The following GRID1 variants were observed in gnomAD, a reference collection of about 807,000 sequenced individuals.
GRID1 encodes glutamate receptor ionotropic, delta-1.
In GRID1, 28 loss-of-function variants were observed where a neutral mutation model predicts 98.0. The ratio of observed to expected loss-of-function variants is 0.29; its 90% CI spans 0.21 to 0.39. The LOEUF (loss-of-function observed/expected upper bound fraction) is 0.39, where lower values mean the gene tolerates loss of function less well. Among genes scored for constraint, GRID1 ranks in the 10% least tolerant of loss-of-function variants. The pLI, the probability that GRID1 is intolerant of heterozygous loss-of-function variation, is 1.00. For synonymous variants in GRID1, 553 were observed against 538.5 expected (o/e 1.03, Z -0.37); for missense variants, 1,111 against 1,340.5 (o/e 0.83, Z 2.67).
At chr10:85,771,628 A>G (rs1377246349) in intron 8 of GRID1, among the ~76,000 whole-genome samples, 2 of 152,216 alleles carry the variant, frequency 1.3e-5, no homozygotes, top group Non-Finnish European at 2.9e-5. Context: ...ATAGAGGAAG[A>G]TCTACCAAGC....
intron 4 of GRID1, among the ~76,000 whole-genome samples, chr10:85,950,409 T>G (rs1460916247): frequency 1.3e-5 from 2 of 152,308 alleles, no homozygotes; most frequent in East Asian, 3.9e-4. Context: ...ATCACAAATG[T>G]ATCCCAGACT....
intron 4 of GRID1, among the ~76,000 whole-genome samples, chr10:85,962,790 C>T (rs1025527146): frequency 2.0e-5 from 3 of 152,098 alleles, no homozygotes; most frequent in Admixed American, 6.5e-5. Flanking sequence ...TACTACCCTT[C>T]CAGATATCCT....
intron 3 of GRID1, among the ~76,000 whole-genome samples, chr10:86,140,515 G>A (rs1055344502): frequency 6.6e-6 from 1 of 152,234 alleles, no homozygotes; most frequent in African/African-American, 2.4e-5. Flanking sequence ...TCACCACTAA[G>A]CGTAGTCCCA....
intron 2 of GRID1, among the ~76,000 whole-genome samples, chr10:86,343,506 C>T (rs952638994): frequency 6.6e-6 from 1 of 152,216 alleles, no homozygotes; most frequent in African/African-American, 2.4e-5. Context: ...GGTACCATCG[C>T]TCCACTGCTC....
intron 4 of GRID1, among the ~76,000 whole-genome samples, chr10:85,920,693 T>C (rs1176802106): frequency 6.7e-6 from 1 of 149,940 alleles, no homozygotes; most frequent in Non-Finnish European, 1.5e-5. Context: ...TGCATAATGC[T>C]GTGGGCATCA....
intron 2 of GRID1, among the ~76,000 whole-genome samples, chr10:86,335,278 G>T (rs1241323610): frequency 6.6e-6 from 1 of 152,206 alleles, no homozygotes; most frequent in African/African-American, 2.4e-5. Context: ...GGCACTCTGT[G>T]GGGTATTTTA....
chr10:86,113,038 G>A (rs1564678518), intron 4 of GRID1, among the ~76,000 whole-genome samples: 1 of 152,144 alleles, frequency 6.6e-6, no homozygotes, highest in South Asian at 2.1e-4. Flanking sequence ...TTTAGCCTCC[G>A]ATTTGTCCAA....
chr10:85,819,965 GAGAGGAAGGAAGGAAGGAAGGA>G (rs1289136571), intron 8 of GRID1, among the ~76,000 whole-genome samples: 6 of 141,252 alleles, frequency 4.2e-5, no homozygotes, highest in African/African-American at 1.6e-4. Context: ...GAGAGAAAGA[GAGAGGAAGGAAGGAAGGAAGGA>G]AGGAAGGAAG....
rs1213784282 is a variant in GRID1 at position 85,941,191 on chromosome 10, A to T, written c.727-24952T>A. On this transcript the variant is annotated intron_variant, in intron 4 of 15. Transcript: ENST00000327946. ...TATGCCAGCTGGGTGTCCTTGGGTA[A>T]GTTATTTAACCTTTCTGACCCTCGT... Among the ~76,000 whole-genome samples the T allele has an allele frequency of 2.0e-5, 3 of 152,158 alleles. 1 individual carries two copies. Among genetic ancestry groups the T allele is most frequent in the Non-Finnish European group, 4.4e-5 (3 of 68,036 alleles).
rs561844382 is a variant in GRID1, at chr10:86,248,694, T to C, written c.236-42046A>G. ...CTCAAGCGATCCTCCTACTTCAGCC[T>C]CCTGAGTAGCTGGGACTACAAACAT... On this transcript the variant is annotated intron_variant, in intron 2 of 15. Coordinates refer to ENST00000327946, the MANE Select transcript of GRID1 (RefSeq NM_017551.3). 2.0e-5 allele frequency among the ~76,000 whole-genome samples: 3 copies of C among 150,404 alleles called. No homozygotes were observed. The South Asian group carries it at 6.4e-4, about 32-fold the overall frequency.
chr10:85,763,106 T>C (rs1465460380), intron 8 of GRID1, among the ~76,000 whole-genome samples: 4 of 152,190 alleles, frequency 2.6e-5, no homozygotes, highest in Admixed American at 1.3e-4. Context: ...TGAGACTTCA[T>C]TTCTGGGAGA....
rs911016355 is a variant in GRID1, at chr10:86,197,558, G to A, written c.520+8806C>T. On this transcript the variant is annotated intron_variant, in intron 3 of 15. Transcript: ENST00000327946. The stretch of plus-strand genomic sequence containing the variant: ...AGGAGGGGGATATCAACAGGAGCCC[G>A]CATCGGTCCTGCAAGGGCACAATGG... 5.9e-5 allele frequency among the ~76,000 whole-genome samples: 9 copies of A among 152,108 alleles called. 1 individual carries two copies. The highest frequency in any genetic ancestry group is 1.0e-4 in the Non-Finnish European group (7 of 67,978).
intron 8 of GRID1, among the ~76,000 whole-genome samples, chr10:85,741,799 T>G (rs893037863): frequency 1.3e-5 from 2 of 152,070 alleles, no homozygotes; most frequent in African/African-American, 4.8e-5. Context: ...ACCCCAACCA[T>G]CACACTTTCT....
At chr10:86,246,227 G>A (rs1190564409) in intron 2 of GRID1, among the ~76,000 whole-genome samples, 1 of 152,294 alleles carries the variant, frequency 6.6e-6, no homozygotes, top group Non-Finnish European at 1.5e-5. Context: ...CCCCTCAGCT[G>A]CACTCACCGG....
At position 86,326,240 on chromosome 10, in the gene GRID1, A is replaced by G. The variant is rs56981598; in HGVS notation, c.235+37701T>C. Among the ~76,000 whole-genome samples the G allele has an allele frequency of 7.4e-3, 1,133 of 152,352 alleles. 18 individuals are homozygous for G. Among genetic ancestry groups the G allele is most frequent in the African/African-American group, 0.026 (1,065 of 41,590 alleles). On this transcript the variant is annotated intron_variant, in intron 2 of 15. Coordinates refer to ENST00000327946, the MANE Select transcript of GRID1 (RefSeq NM_017551.3). ...ACTAAAAGCATTAAAGAGACCCAAA[A>G]TAAATGGGGAGACACACTATGCCCC...
At chr10:86,017,308 C>T (rs1273104309) in intron 4 of GRID1, among the ~76,000 whole-genome samples, 1 of 152,198 alleles carries the variant, frequency 6.6e-6, no homozygotes, top group Non-Finnish European at 1.5e-5. Context: ...TCTTCTTTCT[C>T]TGCTTCTCTG....
Position 86,363,175 on chromosome 10 carries a change from G to A in GRID1, c.235+766C>T, listed in dbSNP as rs561410423. Among the ~76,000 whole-genome samples the A allele has an allele frequency of 6.6e-4, 100 of 152,392 alleles. 1 individual carries two copies. The highest frequency in any genetic ancestry group is 2.2e-3 in the African/African-American group (93 of 41,596). On this transcript the variant is annotated intron_variant, in intron 2 of 15. Transcript: ENST00000327946. ...AGCAGAGGGGGTTGCTGTCGTGAAC[G>A]CCCTCGCCTCGCACCTGTGGCGCCT... is the stretch of plus-strand genomic sequence containing the variant.
At position 85,835,315 on chromosome 10, in the gene GRID1, T is replaced by C. The variant is rs147520484; in HGVS notation, c.1233+19181A>G. Among the ~76,000 whole-genome samples the C allele has an allele frequency of 5.5e-3, 833 of 152,278 alleles. 8 individuals are homozygous for C. The highest frequency in any genetic ancestry group is 0.019 in the African/African-American group (801 of 41,556). On this transcript the variant is annotated intron_variant, in intron 8 of 15. Transcript: ENST00000327946. ...GAAACTCTGAACAACACAATTGATA[T>C]GGTTTGGCTGTGTCCCCACCCAAAT...
At chr10:86,107,506 G>C (rs1303077632) in intron 4 of GRID1, among the ~76,000 whole-genome samples, 1 of 152,180 alleles carries the variant, frequency 6.6e-6, no homozygotes, top group African/African-American at 2.4e-5. Context: ...ATACAGAATG[G>C]GGGAAGGGAA....
Sources: allele counts gnomAD v4.1 joint callset (sites outside exome capture counted in the v4.1 genomes callset), GRCh38; gene constraint gnomAD v4.1.1; transcripts MANE v1.5; gene names NCBI Gene and HGNC (gene_info 2026-07-23, HGNC 2026-07-21).